OR10J1: variants seen among roughly 807,000 people sequenced by gnomAD.
OR10J1 encodes the protein olfactory receptor family 10 subfamily J member 1, also known as olfactory receptor 10J1.
For missense variants in OR10J1, 474 were observed against 376.6 expected (o/e 1.26, Z -2.14); for synonymous variants, 202 against 143.8 (o/e 1.40, Z -2.89).
chr1:159,404,356 G>T, the OR10J1 span, among the ~76,000 whole-genome samples: 14 of 151,894 alleles, frequency 9.2e-5, no homozygotes, highest in Non-Finnish European at 2.1e-4. Context: ...TATAGACTCC[G>T]GGAAAGGAAC....
At chr1:159,407,135 T>C in the OR10J1 span, among the ~76,000 whole-genome samples, 2 of 152,286 alleles carry the variant, frequency 1.3e-5, no homozygotes, top group African/African-American at 4.8e-5. Context: ...ATGAGCATCT[T>C]CAACTTTGAT....
the OR10J1 span, among the ~76,000 whole-genome samples, chr1:159,431,214 T>A: frequency 6.6e-6 from 1 of 152,190 alleles, no homozygotes; most frequent in Non-Finnish European, 1.5e-5. Flanking sequence ...CACACTGGAC[T>A]ATCCACACGG....
At chr1:159,412,725 A>G in the OR10J1 span, among the ~76,000 whole-genome samples, 1 of 152,088 alleles carries the variant, frequency 6.6e-6, no homozygotes, top group Non-Finnish European at 1.5e-5. Flanking sequence ...TCCTAAAACC[A>G]TAAAAACCCT....
chr1:159,430,668 T>TGTGTGTGTGC, the OR10J1 span, among the ~76,000 whole-genome samples: 371 of 69,680 alleles, frequency 5.3e-3, no homozygotes, highest in South Asian at 0.013. Flanking sequence ...TGTGTGTGTG[T>TGTGTGTGTGC]GCGCGCGCGC....
In OR10J1 at chr1:159,439,768, T is replaced by C. The variant is rs761937001; in HGVS notation, c.-24T>C. ...GGACTATGTGACTTTTATGCTTTTA[T>C]GTTTCAGATTTGGGAACCAATCCAT... On this transcript the variant is annotated 5_prime_UTR_variant, in exon 1 of 1. An upstream start codon of the reference 5' UTR is lost. Coordinates refer to ENST00000423932, the MANE Select transcript of OR10J1 (RefSeq NM_012351.3). The C allele has an allele frequency of 2.5e-6, 4 of 1,613,408 alleles. No individual in the cohort carries two copies. The highest frequency in any genetic ancestry group is 2.7e-5 in the African/African-American group (2 of 74,868).
At chr1:159,420,674 A>G in the OR10J1 span, among the ~76,000 whole-genome samples, 1 of 152,082 alleles carries the variant, frequency 6.6e-6, no homozygotes, top group Non-Finnish European at 1.5e-5. Context: ...TGTTAGGCAT[A>G]AAATCCTTGG....
chr1:159,402,793 G>A, the OR10J1 span, among the ~76,000 whole-genome samples: 1 of 151,870 alleles, frequency 6.6e-6, no homozygotes, highest in African/African-American at 2.4e-5. Context: ...AAAAGACTCA[G>A]AATAGCCAAA....
chr1:159,421,709 G>T, the OR10J1 span, among the ~76,000 whole-genome samples: 1 of 152,182 alleles, frequency 6.6e-6, no homozygotes. Context: ...GTAGTAGTTA[G>T]TAGAGGCTGT....
the OR10J1 span, chr1:159,405,948 G>C: frequency 1.4e-5 from 7 of 490,778 alleles, no homozygotes; most frequent in Non-Finnish European, 2.7e-5. Context: ...ATCCCAGCCA[G>C]ACACAAGCCC....
chr1:159,402,210 G>A, the OR10J1 span, among the ~76,000 whole-genome samples: 18 of 151,948 alleles, frequency 1.2e-4, no homozygotes, highest in Admixed American at 4.6e-4. Flanking sequence ...CAACAAGAAT[G>A]CCCACTTTCA....
the OR10J1 span, among the ~76,000 whole-genome samples, chr1:159,417,465 A>G: frequency 6.6e-6 from 1 of 152,156 alleles, no homozygotes; most frequent in South Asian, 2.1e-4. Flanking sequence ...CTCTTCTCAT[A>G]ATAGTGAATA....
At chr1:159,429,275 G>A in the OR10J1 span, among the ~76,000 whole-genome samples, 3 of 152,226 alleles carry the variant, frequency 2.0e-5, no homozygotes, top group Non-Finnish European at 4.4e-5. Context: ...CCTAGCATGT[G>A]AGAGACATTC....
chr1:159,410,720 T>C, the OR10J1 span, among the ~76,000 whole-genome samples: 2 of 150,988 alleles, frequency 1.3e-5, no homozygotes, highest in Non-Finnish European at 3.0e-5. Context: ...CTGATTTTAG[T>C]TATTTCTTGT....
the OR10J1 span, among the ~76,000 whole-genome samples, chr1:159,414,160 C>A: frequency 6.6e-6 from 1 of 152,048 alleles, no homozygotes; most frequent in East Asian, 1.9e-4. Context: ...GCTGCAGTCA[C>A]CCTAACCTGC....
At chr1:159,415,922 GT>G in the OR10J1 span, among the ~76,000 whole-genome samples, 13 of 150,772 alleles carry the variant, frequency 8.6e-5, no homozygotes, top group Non-Finnish European at 1.5e-4. Context: ...TTTATTCCTA[GT>G]TTTTTTTCAG....
upstream of OR10J1, among the ~76,000 whole-genome samples, chr1:159,434,022 C>T: frequency 6.6e-6 from 1 of 152,276 alleles, no homozygotes; most frequent in South Asian, 2.1e-4. Flanking sequence ...CTCTTTGTGA[C>T]ATCTCCTTTT....
chr1:159,427,876 G>A, the OR10J1 span, among the ~76,000 whole-genome samples: 1 of 152,074 alleles, frequency 6.6e-6, no homozygotes, highest in East Asian at 1.9e-4. Context: ...CCGTTAAAAC[G>A]TATGAATGAG....
chr1:159,440,734 A>G lies in OR10J1; in HGVS notation c.*13A>G. The G allele has an allele frequency of 6.2e-7, 1 of 1,600,786 alleles. No homozygotes were observed. The highest frequency in any genetic ancestry group is 1.3e-5 in the African/African-American group (1 of 74,820). On this transcript the variant is annotated 3_prime_UTR_variant, in exon 1 of 1. Coordinates refer to ENST00000423932, the MANE Select transcript of OR10J1 (RefSeq NM_012351.3). ...GAAGTTTTCCTGACCATGTAGGAAGAGTTCTCCTGAGGCTGTCAACATCCA... is the reference window on the plus strand; with the variant it reads ...GAAGTTTTCCTGACCATGTAGGAAGGGTTCTCCTGAGGCTGTCAACATCCA...
the OR10J1 span, among the ~76,000 whole-genome samples, chr1:159,415,312 C>T: frequency 6.9e-3 from 1,055 of 152,094 alleles, 12 homozygotes; most frequent in Non-Finnish European, 0.01. Context: ...CCCAGTACCA[C>T]TTATTGAAGA....
Sources: gnomAD v4.1 joint callset for allele counts (sites outside exome capture counted in the v4.1 genomes callset) on GRCh38, gnomAD v4.1.1 for gene constraint, MANE v1.5 for transcripts, NCBI Gene and HGNC (gene_info 2026-07-23, HGNC 2026-07-21) for gene names.